Variants in HELZ observed in about 807,000 individuals in gnomAD.
HELZ encodes the protein helicase with zinc finger.
A neutral mutation model predicts 218.2 loss-of-function variants in HELZ; 23 were observed. That is an observed-to-expected ratio of 0.11 (90% CI 0.08 to 0.15). The LOEUF is 0.15. Among genes scored for constraint, HELZ ranks in the 10% least tolerant of loss-of-function variants. HELZ has a pLI of 1.00. For missense variants in HELZ, 1,813 were observed against 2,353.7 expected, an observed-to-expected ratio of 0.77 and a Z score of 4.75; for synonymous variants, 814 against 829.4, an observed-to-expected ratio of 0.98 and a Z score of 0.32.
At position 67,239,122 on chromosome 17, in the gene HELZ, C is replaced by G. The variant is rs534719725; in HGVS notation, c.-19+311G>C. 2.0e-5 allele frequency among the ~76,000 whole-genome samples: 3 copies of G among 152,314 alleles called. No homozygotes were observed. The East Asian group carries it at 5.8e-4, about 29-fold the overall frequency. On this transcript the variant is annotated intron_variant, in intron 3 of 32. Coordinates refer to ENST00000358691, the MANE Select transcript of HELZ (RefSeq NM_014877.4). ...CCACTCAAGAATGCTGACACAAAAA[C>G]TGAAGGACCTCTCAAGTTCCAATAG...
chr17:67,201,224 T>C (rs763240333), intron 6 of HELZ, 39 bp from the exon 7 acceptor site: 50 of 1,374,650 alleles, frequency 3.6e-5, no homozygotes, highest in Non-Finnish European at 4.8e-5. Context: ...CCAATTAGTA[T>C]ATTAATTCTT....
At chr17:67,213,190 C>T (rs2040502096) in intron 5 of HELZ, among the ~76,000 whole-genome samples, 1 of 152,118 alleles carries the variant, frequency 6.6e-6, no homozygotes, top group African/African-American at 2.4e-5. Context: ...GCAATGAAAA[C>T]TGAAGAAAAA....
chr17:67,126,419 C>T (rs1029296373), intron 24 of HELZ, among the ~76,000 whole-genome samples: 2 of 152,176 alleles, frequency 1.3e-5, no homozygotes, highest in Non-Finnish European at 2.9e-5. Flanking sequence ...TATAACTCAG[C>T]ATTCCACATG....
At chr17:67,215,866 A>G in intron 5 of HELZ, 33 bp downstream of exon 5, 2 of 1,402,682 alleles carry the variant, frequency 1.4e-6, no homozygotes, top group East Asian at 2.3e-5. Context: ...ACATTGTTCA[A>G]TTCAATAATT....
Position 67,109,131 on chromosome 17 carries a change from T to C in HELZ, c.4474A>G (p.Ile1492Val). The C allele has an allele frequency of 6.2e-7, 1 of 1,611,442 alleles. No individual in the cohort carries two copies. Among genetic ancestry groups the C allele is most frequent in the East Asian group, 2.2e-5 (1 of 44,866 alleles). The change falls in exon 29 of 33, where the codon ATA (isoleucine) becomes GTA (valine). Residue 1492 changes from isoleucine to valine, a missense_variant. This residue lies in a region of HELZ where 938 missense variants were observed against 1,027.5 expected (regional missense o/e 0.91). Transcript: ENST00000358691. Reference protein sequence around the residue: ...FIDENPSGLPIGEALDRIHGS... With the variant: ...FIDENPSGLPVGEALDRIHGS... ...TAGAACTTACCTAAAGCCTCCCCTA[T>C]AGGTAATCCCGAGGGGTTCTCATCA...
At chr17:67,105,192 A>G (rs2037063042) in intron 31 of HELZ, among the ~76,000 whole-genome samples, 1 of 152,146 alleles carries the variant, frequency 6.6e-6, no homozygotes, top group African/African-American at 2.4e-5. Flanking sequence ...GGATGGTTAT[A>G]ATTTTTTTTA....
intron 31 of HELZ, among the ~76,000 whole-genome samples, chr17:67,098,671 C>G (rs7209209): frequency 0.096 from 14,646 of 151,996 alleles, 1,859 homozygotes; most frequent in African/African-American, 0.29. Flanking sequence ...TTGAACCTGG[C>G]AGGCGGAGGT....
chr17:67,091,190 G>A (rs2036564637), intron 31 of HELZ, among the ~76,000 whole-genome samples: 1 of 151,906 alleles, frequency 6.6e-6, no homozygotes, highest in Non-Finnish European at 1.5e-5. Context: ...GGGACAAGGT[G>A]TGAAAATGTA....
chr17:67,084,944 A>G (rs1337199553), intron 32 of HELZ, among the ~76,000 whole-genome samples: 1 of 152,126 alleles, frequency 6.6e-6, no homozygotes. Flanking sequence ...CGCCTCTACT[A>G]AAAATACACA....
At chr17:67,086,643 T>TATATATATATAC (rs1567787975) in intron 32 of HELZ, among the ~76,000 whole-genome samples, 186 bp downstream of exon 32, 2 of 126,026 alleles carry the variant, frequency 1.6e-5, no homozygotes, top group Non-Finnish European at 3.4e-5. Flanking sequence ...TATATATATA[T>TATATATATATAC]ATATATATAT....
intron 2 of HELZ, among the ~76,000 whole-genome samples, chr17:67,240,801 A>C (rs2041297453): frequency 6.6e-6 from 1 of 152,216 alleles, no homozygotes; most frequent in Non-Finnish European, 1.5e-5. Flanking sequence ...GGAGAAACTG[A>C]CCCAGTACAA....
At position 67,149,888 on chromosome 17, in the gene HELZ, G is replaced by A; in HGVS notation, c.2454C>T (p.Val818=). The A allele has an allele frequency of 1.9e-6, 3 of 1,608,780 alleles. No homozygotes were observed. The highest frequency in any genetic ancestry group is 2.5e-6 in the Non-Finnish European group (3 of 1,176,984). The change falls in exon 19 of 33, where the codon GTC becomes GTT. Residue 818 remains valine (V), a synonymous_variant. Coordinates refer to ENST00000358691, the MANE Select transcript of HELZ (RefSeq NM_014877.4). ...TTACCTGCATGTGATCACCAGCCAA[G>A]ACAATCCGAGTGTTTTGAGTTGCTA... ...LALATQNTRI[V]LAGDHMQLSP...
intron 4 of HELZ, 22 bp from the exon 5 acceptor site, chr17:67,215,957 T>C (rs374878131): frequency 2.2e-6 from 3 of 1,392,850 alleles, no homozygotes; most frequent in African/African-American, 2.9e-5. Context: ...AAATACAAGA[T>C]AAAATTAAGT....
chr17:67,136,385 T>C (rs925759287), intron 22 of HELZ, among the ~76,000 whole-genome samples, 187 bp from the exon 23 acceptor site: 8 of 152,320 alleles, frequency 5.3e-5, no homozygotes, highest in Admixed American at 4.6e-4. Flanking sequence ...GAAAACAGTG[T>C]GGCAGTTCTT....
At chr17:67,148,149 G>A (rs1420335787) in intron 20 of HELZ, among the ~76,000 whole-genome samples, 1 of 152,296 alleles carries the variant, frequency 6.6e-6, no homozygotes, top group East Asian at 1.9e-4. Context: ...GGGGCCGGGA[G>A]GGGGGCAGTC....
chr17:67,174,086 A>G (rs2039385829), intron 13 of HELZ, among the ~76,000 whole-genome samples: 2 of 152,224 alleles, frequency 1.3e-5, no homozygotes, highest in Non-Finnish European at 2.9e-5. Context: ...TCAAAAGAAA[A>G]GCATTTTCTA....
intron 3 of HELZ, among the ~76,000 whole-genome samples, chr17:67,219,310 T>A (rs935960279): frequency 1.3e-5 from 2 of 152,258 alleles, no homozygotes; most frequent in African/African-American, 4.8e-5. Flanking sequence ...TGGAACTGTA[T>A]GAACTGTCCA....
Position 67,075,633 on chromosome 17 carries a change from G to C in HELZ, c.*2619C>G, listed in dbSNP as rs1484019533. ...ACAAGACGTGTTCAAAATGTTATAA[G>C]ATACTATGCGTAAAGAGCAGGTTCT... On this transcript the variant is annotated 3_prime_UTR_variant, in exon 33 of 33. Coordinates refer to ENST00000358691, the MANE Select transcript of HELZ (RefSeq NM_014877.4). 6.6e-6 allele frequency: 1 copy of C among 152,284 alleles called. No homozygotes were observed. The highest frequency in any genetic ancestry group is 1.9e-4 in the East Asian group (1 of 5,188). 9.4% of individuals were successfully genotyped at this position (152,284 alleles called of 1,614,324 possible).
At chr17:67,121,870 A>G (rs2037619871) in intron 26 of HELZ, among the ~76,000 whole-genome samples, 1 of 152,206 alleles carries the variant, frequency 6.6e-6, no homozygotes, top group African/African-American at 2.4e-5. Context: ...AGTGAACTAG[A>G]CTAATCCAAG....
Sources: gnomAD v4.1 joint callset for allele counts (sites outside exome capture counted in the v4.1 genomes callset) on GRCh38, gnomAD v4.1.1 for gene constraint, gnomAD v4.1.1 regional missense constraint, MANE v1.5 for transcripts, NCBI Gene and HGNC (gene_info 2026-07-23, HGNC 2026-07-21) for gene names.